The following ZNF718 variants were observed in gnomAD, a reference collection of about 807,000 sequenced individuals.
The protein encoded by ZNF718 is zinc finger protein 718.
In ZNF718, 3 loss-of-function variants were observed where a neutral mutation model predicts 2.6. The observed-to-expected ratio is 1.16, with a 90% CI of 0.53 to 3.01. The LOEUF (loss-of-function observed/expected upper bound fraction) is 3.01. Among genes scored for constraint, ZNF718 ranks in the 30% most tolerant of loss-of-function variants. ZNF718 has a pLI of 0.03. For missense variants in ZNF718, 468 were observed against 230.0 expected (o/e 2.03, Z -6.69); for synonymous variants, 135 against 77.9 (o/e 1.73, Z -3.86).
chr4:176,344 A>G (rs1717346012), intron 3 of ZNF718, among the ~76,000 whole-genome samples: 1 of 152,020 alleles, frequency 6.6e-6, no homozygotes, highest in Non-Finnish European at 1.5e-5. Flanking sequence ...TTTCTAACCC[A>G]AGCTAAAGAG....
Position 132,951 on chromosome 4 carries a change from G to T in ZNF718, c.226+1446G>T, listed in dbSNP as rs1236370150. 3.9e-4 allele frequency among the ~76,000 whole-genome samples: 38 copies of T among 97,564 alleles called. 10 individuals carry two copies. The highest frequency in any genetic ancestry group is 1.3e-3 in the African/African-American group (37 of 28,080). 64.0% of individuals were successfully genotyped at this position (97,564 alleles called of 152,430 possible). A position where few individuals can be genotyped will look rare whatever the true frequency, so the allele number is the denominator to read the frequency against. Reference sequence around the variant, plus strand: ...TCCCAGCACTTTGGGAGACCGAGGGGGCAGATCATGAGGTCAGGAGTTAGA... The same window carrying T: ...TCCCAGCACTTTGGGAGACCGAGGGTGCAGATCATGAGGTCAGGAGTTAGA... On this transcript the variant is annotated intron_variant, in intron 3 of 3. Transcript: ENST00000510175.
At chr4:135,442 A>T (rs139107820) in intron 3 of ZNF718, among the ~76,000 whole-genome samples, 101 of 151,872 alleles carry the variant, frequency 6.7e-4, no homozygotes, top group African/African-American at 2.4e-3. Context: ...TTAAGCAGGG[A>T]TAGTGTTTCT....
intron 1 of ZNF718, among the ~76,000 whole-genome samples, chr4:130,338 A>G (rs1264905001): frequency 2.9e-5 from 3 of 104,124 alleles, no homozygotes; most frequent in Non-Finnish European, 6.4e-5. Flanking sequence ...CTTAGAGGCA[A>G]TGCTTGGCTG....
rs1294069955 is a variant in ZNF718, at chr4:162,394, T to A, written c.*272T>A. 1.6e-5 allele frequency: 5 copies of A among 311,584 alleles called. No homozygotes were observed. In the Admixed American group the frequency reaches 1.8e-4, roughly 11 times the overall value. 19.3% of individuals were successfully genotyped at this position (311,584 alleles called of 1,614,324 possible). ...AAAGTGTGGCAAAACCTTTAACCAA[T>A]GCTCATATCTCTTTGCACATGATAG... is the stretch of plus-strand genomic sequence containing the variant. On this transcript the variant is annotated 3_prime_UTR_variant, in exon 4 of 4. Coordinates refer to ENST00000510175, the MANE Select transcript of ZNF718 (RefSeq NM_001039127.6).
At chr4:136,711 A>G (rs1715588110) in intron 3 of ZNF718, among the ~76,000 whole-genome samples, 1 of 152,230 alleles carries the variant, frequency 6.6e-6, no homozygotes, top group South Asian at 2.1e-4. Flanking sequence ...CTTTATTAGT[A>G]TCTTATTTCA....
chr4:185,260 C>A (rs745511911), intron 3 of ZNF718, among the ~76,000 whole-genome samples: 37 of 152,174 alleles, frequency 2.4e-4, no homozygotes, highest in Non-Finnish European at 5.1e-4. Flanking sequence ...CATTATTTAC[C>A]CATGAATCCT....
intron 3 of ZNF718, among the ~76,000 whole-genome samples, chr4:140,484 G>A (rs1032809140): frequency 7.2e-5 from 11 of 152,168 alleles, no homozygotes; most frequent in Admixed American, 2.0e-4. Context: ...TTGTGCTGTG[G>A]TTCCAAGCAG....
downstream of ZNF718, among the ~76,000 whole-genome samples, chr4:166,963 T>C (rs1229734745): frequency 6.6e-6 from 1 of 152,208 alleles, no homozygotes; most frequent in African/African-American, 2.4e-5. Context: ...TAGGTTTTCT[T>C]CTAGGGTTTT....
At chr4:137,584 A>G (rs1175338969) in intron 3 of ZNF718, among the ~76,000 whole-genome samples, 3 of 152,144 alleles carry the variant, frequency 2.0e-5, no homozygotes, top group African/African-American at 7.2e-5. Flanking sequence ...GTTTTGCTTT[A>G]CATTTTTCTA....
chr4:153,184 T>TCACTG (rs57735307), intron 3 of ZNF718, among the ~76,000 whole-genome samples: 79,095 of 151,220 alleles, frequency 0.52, 21,017 homozygotes, highest in East Asian at 0.78. Context: ...AGACTCTCTT[T>TCACTG]CTCCAATGTG....
At chr4:152,769 A>G (rs186001850) in intron 3 of ZNF718, among the ~76,000 whole-genome samples, 150 of 151,978 alleles carry the variant, frequency 9.9e-4, no homozygotes, top group African/African-American at 3.5e-3. Context: ...GTGATATTTT[A>G]TTGTGGTTTT....
intron 3 of ZNF718, among the ~76,000 whole-genome samples, chr4:186,094 G>C (rs1432839004): frequency 6.6e-6 from 1 of 151,914 alleles, no homozygotes; most frequent in Non-Finnish European, 1.5e-5. Context: ...TAGTGTCACT[G>C]GCTGACACTA....
At chr4:176,438 A>G (rs145952935) in intron 3 of ZNF718, among the ~76,000 whole-genome samples, 194 of 152,234 alleles carry the variant, frequency 1.3e-3, no homozygotes, top group African/African-American at 4.5e-3. Flanking sequence ...AGGCATCTCT[A>G]TGCATCTATG....
At chr4:186,703 A>G (rs984484751) in intron 3 of ZNF718, among the ~76,000 whole-genome samples, 8 of 152,136 alleles carry the variant, frequency 5.3e-5, no homozygotes, top group African/African-American at 7.2e-5. Context: ...CTATTGTGCT[A>G]TTAATACTTG....
At chr4:193,914 A>T (rs1717742521) in intron 3 of ZNF718, among the ~76,000 whole-genome samples, 1 of 152,078 alleles carries the variant, frequency 6.6e-6, no homozygotes. Flanking sequence ...GGGGTGGATT[A>T]TTTCTATTCA....
In ZNF718 at chr4:161,210, A is replaced by G; in HGVS notation, c.525A>G (p.Glu175=). The change falls in exon 4 of 4, where the codon GAA becomes GAG. Residue 175 remains glutamate (E), a synonymous_variant. Coordinates refer to ENST00000510175, the MANE Select transcript of ZNF718 (RefSeq NM_001039127.6). The part of the protein sequence containing the change: ...YTGDKTFKCK[E]CGKSFHVLSR... ...GAGATAAAACCTTTAAATGTAAAGA[A>G]TGTGGCAAATCATTTCACGTGCTCT... 1 of 773,828 alleles carries G rather than the reference A, an allele frequency of 1.3e-6. No homozygotes were observed. The highest frequency in any genetic ancestry group is 2.4e-6 in the Non-Finnish European group (1 of 415,756). 47.9% of individuals were successfully genotyped at this position (773,828 alleles called of 1,614,324 possible).
chr4:166,630 T>C (rs1471810713), downstream of ZNF718, among the ~76,000 whole-genome samples: 1 of 152,252 alleles, frequency 6.6e-6, no homozygotes, highest in Non-Finnish European at 1.5e-5. Context: ...ATGTGTCTCT[T>C]GGCTACCTAA....
At chr4:126,163 A>G (rs1715207197) in intron 1 of ZNF718, among the ~76,000 whole-genome samples, 1 of 152,200 alleles carries the variant, frequency 6.6e-6, no homozygotes, top group Non-Finnish European at 1.5e-5. Flanking sequence ...CAGTGTGCCC[A>G]AGTTCATCCC....
At chr4:126,462 T>C (rs887879049) in intron 1 of ZNF718, among the ~76,000 whole-genome samples, 141 of 152,238 alleles carry the variant, frequency 9.3e-4, no homozygotes, top group African/African-American at 3.3e-3. Flanking sequence ...TGCTTTGAAA[T>C]GTGAATAGCA....
Sources: gnomAD v4.1 joint callset for allele counts (sites outside exome capture counted in the v4.1 genomes callset) on GRCh38, gnomAD v4.1.1 for gene constraint, MANE v1.5 for transcripts, NCBI Gene and HGNC (gene_info 2026-07-23, HGNC 2026-07-21) for gene names.